RASEF: variants seen among roughly 807,000 people sequenced by gnomAD.
RASEF encodes the protein RAS and EF-hand domain containing, also known as ras and EF-hand domain-containing protein.
A neutral mutation model predicts 90.1 loss-of-function variants in RASEF; 68 were observed. That is an observed-to-expected ratio of 0.75 (90% CI 0.62 to 0.92). The LOEUF (loss-of-function observed/expected upper bound fraction) is 0.92, where lower values mean the gene tolerates loss of function less well. RASEF is among the 40% of genes least tolerant of loss of function. The pLI is 0.00. For missense variants in RASEF, 949 were observed against 937.2 expected (o/e 1.01, Z -0.16); for synonymous variants, 331 against 345.2 (o/e 0.96, Z 0.46).
At chr9:83,141,308 C>T in the RASEF span, among the ~76,000 whole-genome samples, 1 of 152,032 alleles carries the variant, frequency 6.6e-6, no homozygotes, top group African/African-American at 2.4e-5. Flanking sequence ...CAGAGACCAA[C>T]TAGAAAAGCT....
At position 83,062,728 on chromosome 9, in the gene RASEF, G is replaced by C. The variant is rs1464967434; in HGVS notation, c.140C>G (p.Ala47Gly). The part of the protein sequence containing the change: ...CTELRVRPAD[A>G]EAVFQRLDAD... ...GTCCAGCCGCTGGAATACTGCCTCG[G>C]CGTCGGCCGGCCGCACCCGCAGCTC... Residue 47 changes from alanine to glycine, a missense_variant, in exon 1 of 17, where the codon GCC (alanine) becomes GGC (glycine). By Grantham distance (60) the Ala-to-Gly change is moderately conservative. This residue lies in a region of RASEF where 656 missense variants were observed against 592.2 expected (regional missense o/e 1.11). Transcript: ENST00000376447. The C allele has an allele frequency of 1.9e-6, 3 of 1,572,780 alleles. No individual in the cohort carries two copies. The African/African-American group carries it at 4.0e-5, about 21-fold the overall frequency.
chr9:82,982,805 C>CAGAGAGAGAG, intron 16 of RASEF, 23 bp from the exon 17 acceptor site: 11 of 915,882 alleles, frequency 1.2e-5, no homozygotes, highest in South Asian at 9.4e-5. Context: ...TAGAGAGAGA[C>CAGAGAGAGAG]AGAGAGAGAG....
intron 1 of RASEF, chr9:83,049,151 G>A (rs1829992961): frequency 4.8e-6 from 1 of 208,992 alleles, no homozygotes; most frequent in Non-Finnish European, 8.2e-6. Context: ...AGAATCCTGT[G>A]AATTCCAGAG....
rs757470529 is a variant in RASEF, at chr9:82,990,466, G to A, written c.2042C>T (p.Thr681Met). Residue 681 changes from threonine to methionine, a missense_variant and splice_region_variant, in exon 16 of 17, where the codon ACG becomes ATG. Thr to Met is a moderately conservative substitution (Grantham distance 81). Coordinates refer to ENST00000376447, the MANE Select transcript of RASEF (RefSeq NM_152573.4). ...TGTTTCACAGAATAATGCCCCATAC[G>A]TCTGTAAAAAAGAAATACACACAAT... ...PGHFGEKLAM[T>M]YGALFCETSA... The A allele has an allele frequency of 9.4e-5, 152 of 1,609,032 alleles. 1 individual carries two copies. In the East Asian group the frequency reaches 1.8e-3, roughly 19 times the overall value.
intron 1 of RASEF, among the ~76,000 whole-genome samples, chr9:83,031,388 T>G (rs1282008206): frequency 6.6e-6 from 1 of 152,212 alleles, no homozygotes; most frequent in African/African-American, 2.4e-5. Flanking sequence ...TATTTATTGA[T>G]CACCTTATAT....
chr9:83,177,596 T>C, the RASEF span, among the ~76,000 whole-genome samples: 3 of 149,366 alleles, frequency 2.0e-5, no homozygotes, highest in East Asian at 3.9e-4. Context: ...TATTGGATTA[T>C]GTGATGTGTC....
chr9:83,185,347 TTCTTTC>T, the RASEF span, among the ~76,000 whole-genome samples: 1 of 118,298 alleles, frequency 8.5e-6, no homozygotes, highest in Non-Finnish European at 2.0e-5. Flanking sequence ...CTTTCTTTCT[TTCTTTC>T]TTTTTTTTTT....
the RASEF span, among the ~76,000 whole-genome samples, chr9:83,207,895 C>T: frequency 2.1e-4 from 32 of 152,120 alleles, no homozygotes; most frequent in Non-Finnish European, 4.4e-4. Context: ...CATGAACCAC[C>T]GCGCCTGGCC....
chr9:83,059,509 A>T (rs1830168773), intron 1 of RASEF, among the ~76,000 whole-genome samples: 1 of 152,190 alleles, frequency 6.6e-6, no homozygotes, highest in Admixed American at 6.6e-5. Context: ...ACATTTACTG[A>T]GTATCTCCTG....
chr9:83,025,526 T>C (rs541611027), intron 2 of RASEF, among the ~76,000 whole-genome samples: 4 of 152,316 alleles, frequency 2.6e-5, no homozygotes, highest in African/African-American at 7.2e-5. Flanking sequence ...GATAAATCTC[T>C]TAATTGTTCT....
At chr9:83,149,438 G>T in the RASEF span, among the ~76,000 whole-genome samples, 4 of 152,140 alleles carry the variant, frequency 2.6e-5, no homozygotes, top group Non-Finnish European at 4.4e-5. Context: ...GAAGGAGGTT[G>T]GATATTACAG....
intron 16 of RASEF, among the ~76,000 whole-genome samples, chr9:82,983,150 C>CACACACACAT (rs1253681644): frequency 8.6e-5 from 13 of 150,676 alleles, no homozygotes; most frequent in African/African-American, 3.2e-4. Context: ...CACACACACA[C>CACACACACAT]ACACACCCTT....
At chr9:83,019,770 C>T (rs1260748617) in intron 3 of RASEF, among the ~76,000 whole-genome samples, 3 of 152,268 alleles carry the variant, frequency 2.0e-5, no homozygotes, top group South Asian at 4.1e-4. Flanking sequence ...ATTAATTACA[C>T]GGATAAGTCT....
the RASEF span, among the ~76,000 whole-genome samples, chr9:83,075,922 C>T: frequency 6.6e-6 from 1 of 152,066 alleles, no homozygotes; most frequent in East Asian, 1.9e-4. Context: ...GTAATCCCAG[C>T]ACTTTGGGAG....
chr9:83,067,169 G>T (rs1381305433), upstream of RASEF, among the ~76,000 whole-genome samples: 6 of 152,100 alleles, frequency 3.9e-5, no homozygotes, highest in Non-Finnish European at 1.5e-5. Flanking sequence ...CAGTTACTTT[G>T]CCCCAGAAAG....
chr9:83,054,659 T>C (rs1830070518), intron 1 of RASEF: 1 of 146,600 alleles, frequency 6.8e-6, no homozygotes, highest in African/African-American at 2.6e-5. Context: ...TTCTGTTTTT[T>C]CCCCATCTTT....
the RASEF span, among the ~76,000 whole-genome samples, chr9:83,092,210 G>A: frequency 3.3e-5 from 5 of 151,718 alleles, no homozygotes; most frequent in Non-Finnish European, 7.4e-5. Context: ...CAGTTAACAT[G>A]AAAATCTTCA....
chr9:83,184,793 A>G, the RASEF span, among the ~76,000 whole-genome samples: 2 of 151,990 alleles, frequency 1.3e-5, no homozygotes, highest in Admixed American at 6.5e-5. Flanking sequence ...TGTAATGTCC[A>G]GTTTGGTGCC....
chr9:82,990,433 T>G lies in RASEF; in HGVS notation c.2075A>C (p.Lys692Thr). Reference protein sequence around the residue: ...YGALFCETSAKDGSNIVEAVL... With the variant: ...YGALFCETSATDGSNIVEAVL... ...AGCCTCCACTATGTTAGAACCATCT[T>G]TGGCACTTGTTTCACAGAATAATGC... is the stretch of plus-strand genomic sequence containing the variant. The change falls in exon 16 of 17, where the codon AAA (lysine) becomes ACA (threonine). Residue 692 changes from lysine to threonine, a missense_variant. Coordinates refer to ENST00000376447, the MANE Select transcript of RASEF (RefSeq NM_152573.4). The G allele has an allele frequency of 6.2e-7, 1 of 1,613,928 alleles. No individual in the cohort carries two copies. The highest frequency in any genetic ancestry group is 8.5e-7 in the Non-Finnish European group (1 of 1,179,832).
Sources: allele counts gnomAD v4.1 joint callset (sites outside exome capture counted in the v4.1 genomes callset), GRCh38; gene constraint gnomAD v4.1.1; regional missense constraint gnomAD v4.1.1; transcripts MANE v1.5; gene names NCBI Gene and HGNC (gene_info 2026-07-23, HGNC 2026-07-21).